Variants in MCUB observed in about 807,000 individuals in gnomAD.
MCUB encodes calcium uniporter regulatory subunit MCUb, mitochondrial.
In MCUB, 46 loss-of-function variants were observed where a neutral mutation model predicts 41.4. That is an observed-to-expected ratio of 1.11 (90% CI 0.88 to 1.42). The LOEUF is 1.42. MCUB is among the 40% of genes most tolerant of loss of function. MCUB has a pLI of 0.00. For missense variants in MCUB, 403 were observed against 404.9 expected (o/e 1.00, Z 0.04); for synonymous variants, 148 against 148.2 (o/e 1.00, Z 0.01).
rs545459344 is a variant in MCUB, at chr4:109,587,183, G to T, written c.99+26747G>T. On this transcript the variant is annotated intron_variant, in intron 1 of 7. Coordinates refer to ENST00000394650, the MANE Select transcript of MCUB (RefSeq NM_017918.5). ...AGCAATGGCGGATGCCCCTCCCCCT[G>T]CCAGGCTGCTGCCTCATAAGTCGAT... is the stretch of plus-strand genomic sequence containing the variant. Among the ~76,000 whole-genome samples, 275 of 152,336 alleles carry T rather than the reference G, an allele frequency of 1.8e-3. 2 individuals are homozygous for T. The highest frequency in any genetic ancestry group is 2.4e-3 in the Non-Finnish European group (161 of 68,034).
At chr4:109,617,272 G>A (rs563917836) in intron 1 of MCUB, among the ~76,000 whole-genome samples, 79 of 152,244 alleles carry the variant, frequency 5.2e-4, no homozygotes, top group Non-Finnish European at 9.7e-4. Flanking sequence ...TTCACATTTT[G>A]ATAGGGCAAT....
intron 1 of MCUB, among the ~76,000 whole-genome samples, chr4:109,595,038 TAAC>T (rs1359800930): frequency 5.9e-5 from 9 of 151,734 alleles, no homozygotes; most frequent in African/African-American, 2.2e-4. Flanking sequence ...CCAACCGAAA[TAAC>T]AAACATTTGG....
chr4:109,674,472 C>G (rs1440265815), intron 4 of MCUB, among the ~76,000 whole-genome samples: 4 of 152,224 alleles, frequency 2.6e-5, no homozygotes, highest in Admixed American at 2.6e-4. Context: ...CAGAATCTCA[C>G]ATATTTTGGA....
At chr4:109,672,444 A>T (rs28850086) in intron 4 of MCUB, among the ~76,000 whole-genome samples, 48,246 of 152,136 alleles carry the variant, frequency 0.32, 7,816 homozygotes, top group East Asian at 0.47. Context: ...TTCACCAATT[A>T]CAGTTTAAGA....
chr4:109,603,126 C>G (rs1018652590), intron 1 of MCUB, among the ~76,000 whole-genome samples: 7 of 152,182 alleles, frequency 4.6e-5, no homozygotes, highest in African/African-American at 7.2e-5. Context: ...GTCTGCCGCT[C>G]TCCGCGGTCT....
intron 1 of MCUB, among the ~76,000 whole-genome samples, chr4:109,609,961 G>T (rs930137148): frequency 4.6e-5 from 7 of 152,158 alleles, no homozygotes; most frequent in African/African-American, 1.7e-4. Flanking sequence ...CTGTTCTACT[G>T]CAGCTAAGCT....
At position 109,576,848 on chromosome 4, in the gene MCUB, C is replaced by A. The variant is rs150687302; in HGVS notation, c.99+16412C>A. ...CAAGCCAGATACTCAGAAATTCTTT[C>A]TTTTCTTTCTTGTTTTTTTTTGAGA... On this transcript the variant is annotated intron_variant, in intron 1 of 7. Transcript: ENST00000394650. 1.0e-3 allele frequency among the ~76,000 whole-genome samples: 152 copies of A among 152,182 alleles called. No individual in the cohort carries two copies. The East Asian group carries it at 0.025, about 25-fold the overall frequency.
At chr4:109,679,266 A>G (rs1729659444) in intron 4 of MCUB, among the ~76,000 whole-genome samples, 1 of 152,206 alleles carries the variant, frequency 6.6e-6, no homozygotes, top group Non-Finnish European at 1.5e-5. Flanking sequence ...CAGAGGCTGT[A>G]ATCTTAGCAC....
chr4:109,592,310 T>C (rs1354202757), intron 1 of MCUB, among the ~76,000 whole-genome samples: 5 of 151,702 alleles, frequency 3.3e-5, no homozygotes, highest in Admixed American at 1.3e-4. Context: ...CTCGGGAGGC[T>C]GAGGCAGGAG....
intron 1 of MCUB, among the ~76,000 whole-genome samples, chr4:109,633,995 CTAACTCTTATTAT>C (rs1728533428): frequency 6.6e-6 from 1 of 151,642 alleles, no homozygotes; most frequent in African/African-American, 2.4e-5. Context: ...TATTCCTGTC[CTAACTCTTATTAT>C]TATAAAGAAA....
chr4:109,620,141 C>T (rs2126135533), intron 1 of MCUB, among the ~76,000 whole-genome samples: 1 of 152,294 alleles, frequency 6.6e-6, no homozygotes, highest in Non-Finnish European at 1.5e-5. Flanking sequence ...ACCAAGTGTT[C>T]TGTTCCTTCT....
Position 109,685,304 on chromosome 4 carries a change from G to C in MCUB, c.870G>C (p.Lys290Asn). 2.5e-6 allele frequency: 4 copies of C among 1,593,526 alleles called. No individual in the cohort carries two copies. Among genetic ancestry groups the C allele is most frequent in the Non-Finnish European group, 3.4e-6 (4 of 1,162,346 alleles). ...GGCAATTTCTTCAGTTCTTCCACAA[G>C]AAATCAAAGCAACAGCACTTTGATG... is the stretch of plus-strand genomic sequence containing the variant. Reference protein sequence around the residue: ...KSRQFLQFFHKKSKQQHFDVQ... With the variant: ...KSRQFLQFFHNKSKQQHFDVQ... Residue 290 changes from lysine to asparagine, a missense_variant, in exon 7 of 8, where the codon AAG becomes AAC. Transcript: ENST00000394650.
chr4:109,593,462 T>A (rs1020487599), intron 1 of MCUB, among the ~76,000 whole-genome samples: 2 of 152,168 alleles, frequency 1.3e-5, no homozygotes, highest in Non-Finnish European at 2.9e-5. Flanking sequence ...TAAGACAGAG[T>A]GATTCAGAGA....
chr4:109,630,210 C>T (rs1340356195), intron 1 of MCUB, among the ~76,000 whole-genome samples: 1 of 152,108 alleles, frequency 6.6e-6, no homozygotes, highest in East Asian at 1.9e-4. Context: ...CCTATAATCC[C>T]AGCTACTTGA....
intron 1 of MCUB, among the ~76,000 whole-genome samples, chr4:109,637,859 A>G (rs2126139602): frequency 6.6e-6 from 1 of 152,350 alleles, no homozygotes; most frequent in African/African-American, 2.4e-5. Flanking sequence ...AATTCATGTA[A>G]CCAAATACGA....
intron 4 of MCUB, 34 bp from the exon 5 acceptor site, chr4:109,682,548 G>T (rs928024846): frequency 2.9e-5 from 46 of 1,565,274 alleles, no homozygotes; most frequent in Non-Finnish European, 4.0e-5. Context: ...GAACAATGTG[G>T]TGACTGGCTT....
chr4:109,620,557 C>T (rs548532964), intron 1 of MCUB, among the ~76,000 whole-genome samples: 15 of 150,062 alleles, frequency 1.0e-4, no homozygotes, highest in Non-Finnish European at 2.1e-4. Context: ...TGAGATCCTC[C>T]GAAGCAAGCT....
intron 1 of MCUB, among the ~76,000 whole-genome samples, chr4:109,597,975 G>A (rs1483382665): frequency 3.3e-5 from 5 of 149,988 alleles, no homozygotes; most frequent in Admixed American, 1.3e-4. Context: ...GGGCAGAGGC[G>A]CTCCCCACAT....
chr4:109,688,381 C>G lies in MCUB; in HGVS notation c.*789C>G, dbSNP rs1729905098. 6.6e-6 allele frequency: 1 copy of G among 152,326 alleles called. No homozygotes were observed. Among genetic ancestry groups the G allele is most frequent in the Non-Finnish European group, 1.5e-5 (1 of 68,036 alleles). 9.4% of individuals were successfully genotyped at this position (152,326 alleles called of 1,614,324 possible). ...TTGTAGGAACTTAACATGGAAGATG[C>G]TGACAGAATCAGATTTTGCAGGTGT... is the stretch of plus-strand genomic sequence containing the variant. On this transcript the variant is annotated 3_prime_UTR_variant, in exon 8 of 8. Coordinates refer to ENST00000394650, the MANE Select transcript of MCUB (RefSeq NM_017918.5).
Sources: allele counts gnomAD v4.1 joint callset (sites outside exome capture counted in the v4.1 genomes callset), GRCh38; gene constraint gnomAD v4.1.1; transcripts MANE v1.5; gene names NCBI Gene and HGNC (gene_info 2026-07-23, HGNC 2026-07-21).